The following ACYP1 variants were observed in gnomAD, a reference collection of about 807,000 sequenced individuals.
The protein encoded by ACYP1 is acylphosphatase 1.
Under a neutral mutation model 10.4 loss-of-function variants are expected in ACYP1, and 8 were observed. That is an observed-to-expected ratio of 0.77 (90% CI 0.45 to 1.38). The LOEUF is 1.38. Ranked by LOEUF, ACYP1 falls within the 40% of genes most tolerant of loss-of-function variation. The probability of loss-of-function intolerance (pLI) is 0.00; values close to 1 mark genes in which losing one functional copy is unlikely to be tolerated. For synonymous variants in ACYP1, 38 were observed against 40.8 expected (o/e 0.93, Z 0.26); for missense variants, 93 against 117.3 (o/e 0.79, Z 0.96).
At position 75,053,392 on chromosome 14, in the gene ACYP1, A is replaced by T; in HGVS notation, c.*52T>A. The T allele has an allele frequency of 2.7e-6, 4 of 1,498,390 alleles. No homozygotes were observed. The highest frequency in any genetic ancestry group is 3.7e-6 in the Non-Finnish European group (4 of 1,077,230). 92.8% of individuals were successfully genotyped at this position (1,498,390 alleles called of 1,614,324 possible). A position where few individuals can be genotyped will look rare whatever the true frequency, so the allele number is the denominator to read the frequency against. On this transcript the variant is annotated 3_prime_UTR_variant, in exon 3 of 3. Transcript: ENST00000238618. Reference sequence around the variant, plus strand: ...ACACACAATAGTTCTATCTCTATTAATAATAAAAACCAAACCACTGAGTTT... The same window carrying T: ...ACACACAATAGTTCTATCTCTATTATTAATAAAAACCAAACCACTGAGTTT...
upstream of ACYP1, among the ~76,000 whole-genome samples, chr14:75,068,529 A>C (rs368219906): frequency 1.3e-4 from 19 of 151,760 alleles, no homozygotes; most frequent in African/African-American, 4.1e-4. Flanking sequence ...GAAACAGAGG[A>C]GAGAGGGAGA....
chr14:75,067,744 T>C (rs552788304), upstream of ACYP1, among the ~76,000 whole-genome samples: 2 of 151,938 alleles, frequency 1.3e-5, no homozygotes, highest in Non-Finnish European at 2.9e-5. Flanking sequence ...ATAATCTCAG[T>C]ACTTTGTGAG....
intron 2 of ACYP1, among the ~76,000 whole-genome samples, chr14:75,053,942 C>G (rs138997423): frequency 6.6e-6 from 1 of 152,296 alleles, no homozygotes; most frequent in East Asian, 1.9e-4. Context: ...AAGTCCAAAA[C>G]AGATGCTTTT....
Position 75,069,073 on chromosome 14 carries a change from A to G in ACYP1, c.82+137T>C, listed in dbSNP as rs1478174681. On this transcript the variant is annotated intron_variant, in intron 1 of 2. Coordinates refer to the ACYP1 transcript ENST00000555463. ...TAGAGACGGCTAGAATTACCACGTG[A>G]GTAAAACATTATAATATCAAAATAA... The G allele has an allele frequency of 9.9e-5, 87 of 880,560 alleles. No homozygotes were observed. In the South Asian group the frequency reaches 1.4e-3, roughly 14 times the overall value. The allele number at this position is 880,560 out of a possible 1,614,324, so 54.5% of individuals were successfully genotyped here. A position where few individuals can be genotyped will look rare whatever the true frequency, so the allele number is the denominator to read the frequency against.
intron 2 of ACYP1, among the ~76,000 whole-genome samples, chr14:75,059,013 C>T (rs1378109671): frequency 6.7e-6 from 1 of 150,248 alleles, no homozygotes; most frequent in Non-Finnish European, 1.5e-5. Flanking sequence ...GTCTGACCAA[C>T]ATGGTGAAAC....
intron 2 of ACYP1, among the ~76,000 whole-genome samples, chr14:75,062,224 G>A (rs1318224309): frequency 4.7e-5 from 7 of 150,488 alleles, no homozygotes; most frequent in East Asian, 3.9e-4. Context: ...ACTTGAGCCT[G>A]GGAGTTTGAG....
chr14:75,061,881 C>A, intron 2 of ACYP1: 1 of 553,346 alleles, frequency 1.8e-6, no homozygotes, highest in Non-Finnish European at 3.0e-6. Flanking sequence ...GTGGGCGGAT[C>A]ACCTGAGGTT....
upstream of ACYP1, among the ~76,000 whole-genome samples, chr14:75,068,888 TAC>T (rs1314407529): frequency 6.6e-6 from 1 of 152,208 alleles, no homozygotes; most frequent in Non-Finnish European, 1.5e-5. Context: ...CCAAACGGCT[TAC>T]ACAGATGAAC....
At chr14:75,063,271 A>C in intron 2 of ACYP1, 199 bp downstream of exon 2, 5 of 569,124 alleles carry the variant, frequency 8.8e-6, no homozygotes, top group Non-Finnish European at 1.6e-5. Flanking sequence ...CTGACTAATA[A>C]TAACAGCAGG....
intron 2 of ACYP1, among the ~76,000 whole-genome samples, chr14:75,055,505 C>T (rs930286008): frequency 6.6e-6 from 1 of 151,394 alleles, no homozygotes; most frequent in Non-Finnish European, 1.5e-5. Flanking sequence ...TTAATGATGA[C>T]ATAATGTTAT....
chr14:75,065,842 C>A (rs1261367245), upstream of ACYP1, among the ~76,000 whole-genome samples: 2 of 152,142 alleles, frequency 1.3e-5, no homozygotes, highest in African/African-American at 4.8e-5. Flanking sequence ...CAAGGTCACA[C>A]AACCAGTAAG....
rs762978584 is a variant in ACYP1 at position 75,053,639 on chromosome 14, TC to T, written c.104del (p.Gly35AspfsTer3). On this transcript the variant is annotated frameshift_variant, in exon 3 of 3. Coordinates refer to ENST00000238618, the MANE Select transcript of ACYP1 (RefSeq NM_001107.5). LOFTEE classifies it high-confidence loss of function. Reference protein sequence around the residue: ...KHTQAEGKKLGLVGWVQNTDR... With the variant: ...KHTQAEGKKLXLVGWVQNTDR... ...CAGTGTTCTGGACCCAGCCTACCAA[TC>T]CCAGCTTTTTACCCTCAGCCTAAGG... 1.9e-6 allele frequency: 3 copies of T among 1,614,156 alleles called. No individual in the cohort carries two copies. The Admixed American group carries it at 5.0e-5, about 27-fold the overall frequency.
intron 2 of ACYP1, chr14:75,061,759 T>C: frequency 6.3e-7 from 1 of 1,579,624 alleles, no homozygotes; most frequent in Non-Finnish European, 8.6e-7. Flanking sequence ...TCAACAGTCA[T>C]TTCCTATTTG....
chr14:75,069,285 C>T (rs1054048866), exon 1 of ACYP1: 2 of 1,440,930 alleles, frequency 1.4e-6, no homozygotes, highest in African/African-American at 3.0e-5. Flanking sequence ...CGGGCGGACG[C>T]CGGCATCCTG....
intron 1 of ACYP1, among the ~76,000 whole-genome samples, 158 bp downstream of exon 1, chr14:75,063,796 G>A (rs191079414): frequency 1.8e-4 from 27 of 152,202 alleles, no homozygotes; most frequent in African/African-American, 6.5e-4. Context: ...CCTCTTCTGG[G>A]GAAATAACCT....
At chr14:75,067,651 T>C (rs149976664), upstream of ACYP1, among the ~76,000 whole-genome samples, 1 of 152,128 alleles carries the variant, frequency 6.6e-6, no homozygotes, top group South Asian at 2.1e-4. Context: ...GTTGAGTATA[T>C]GTTAAAACCA....
At chr14:75,061,188 G>A (rs1037846481) in intron 2 of ACYP1, among the ~76,000 whole-genome samples, 1 of 152,140 alleles carries the variant, frequency 6.6e-6, no homozygotes, top group East Asian at 1.9e-4. Context: ...GCTAACCTAG[G>A]TAGGGGTTTC....
chr14:75,055,236 G>A (rs1376956340), intron 2 of ACYP1, among the ~76,000 whole-genome samples: 1 of 150,892 alleles, frequency 6.6e-6, no homozygotes, highest in Non-Finnish European at 1.5e-5. Flanking sequence ...ACAGGCGCCC[G>A]CAACCACTCC....
chr14:75,065,437 T>C (rs144450046), upstream of ACYP1, among the ~76,000 whole-genome samples: 220 of 152,310 alleles, frequency 1.4e-3, no homozygotes, highest in African/African-American at 4.9e-3. Context: ...ACAAGCTGGA[T>C]TGAATGTTGT....
Sources: allele counts gnomAD v4.1 joint callset (sites outside exome capture counted in the v4.1 genomes callset), GRCh38; gene constraint gnomAD v4.1.1; transcripts MANE v1.5; gene names NCBI Gene and HGNC (gene_info 2026-07-23, HGNC 2026-07-21).